Variants in SPTSSA observed in about 807,000 individuals in gnomAD.
SPTSSA encodes serine palmitoyltransferase small subunit A.
SPTSSA carries 8 observed loss-of-function variants against 9.1 expected under a neutral mutation model. The observed-to-expected ratio is 0.88, with a 90% CI of 0.51 to 1.58. The LOEUF (loss-of-function observed/expected upper bound fraction) is 1.58. Among genes scored for constraint, SPTSSA ranks in the 40% most tolerant of loss-of-function variants. SPTSSA has a pLI of 0.00. For missense variants in SPTSSA, 100 were observed against 93.8 expected, an observed-to-expected ratio of 1.07 and a Z score of -0.27; for synonymous variants, 42 against 37.7, an observed-to-expected ratio of 1.11 and a Z score of -0.41.
In SPTSSA at chr14:34,438,874, T is replaced by C. The variant is rs115550448; in HGVS notation, c.113-3570A>G. On this transcript the variant is annotated intron_variant, in intron 1 of 1. Coordinates refer to ENST00000298130, the MANE Select transcript of SPTSSA (RefSeq NM_138288.4). ...GTCCCTCTTTACTAGAATGATCCTT[T>C]TAAAATGCATTAGGTTTCCAATGTC... 4.5e-3 allele frequency among the ~76,000 whole-genome samples: 681 copies of C among 152,306 alleles called. 7 individuals are homozygous for C. Among genetic ancestry groups the C allele is most frequent in the African/African-American group, 0.016 (657 of 41,562 alleles).
At chr14:34,440,210 A>G (rs1443871347) in intron 1 of SPTSSA, among the ~76,000 whole-genome samples, 2 of 152,226 alleles carry the variant, frequency 1.3e-5, no homozygotes, top group African/African-American at 2.4e-5. Flanking sequence ...ATGAACAGAG[A>G]TGTTCATGTG....
At chr14:34,456,974 C>CTATTAT (rs908132086) in intron 1 of SPTSSA, among the ~76,000 whole-genome samples, 2 of 102,024 alleles carry the variant, frequency 2.0e-5, no homozygotes, top group East Asian at 3.2e-4. Context: ...ATTATTATTA[C>CTATTAT]TATTATTATT....
At chr14:34,454,364 C>T (rs1438100361) in intron 1 of SPTSSA, among the ~76,000 whole-genome samples, 1 of 152,150 alleles carries the variant, frequency 6.6e-6, no homozygotes, top group Non-Finnish European at 1.5e-5. Flanking sequence ...TGGTCTGTTC[C>T]CACTGCCATT....
intron 1 of SPTSSA, among the ~76,000 whole-genome samples, chr14:34,440,854 C>T (rs920920163): frequency 6.6e-6 from 1 of 151,466 alleles, no homozygotes; most frequent in Non-Finnish European, 1.5e-5. Flanking sequence ...GCACTCAAGC[C>T]TGGGCAACAA....
At chr14:34,442,368 TAC>T (rs1233405148) in intron 1 of SPTSSA, among the ~76,000 whole-genome samples, 1 of 152,206 alleles carries the variant, frequency 6.6e-6, no homozygotes, top group Non-Finnish European at 1.5e-5. Context: ...CAGTTCTCAT[TAC>T]AGTTTATGGC....
At chr14:34,459,737 C>T (rs1234660151) in intron 1 of SPTSSA, among the ~76,000 whole-genome samples, 5 of 152,032 alleles carry the variant, frequency 3.3e-5, no homozygotes, top group Non-Finnish European at 5.9e-5. Context: ...GCCAAGATGG[C>T]GACATTACAC....
chr14:34,436,615 T>C (rs1883244266), intron 1 of SPTSSA, among the ~76,000 whole-genome samples: 1 of 152,250 alleles, frequency 6.6e-6, no homozygotes, highest in Non-Finnish European at 1.5e-5. Flanking sequence ...AACTAATATT[T>C]GTATAACAGG....
chr14:34,433,131 C>G lies in SPTSSA; in HGVS notation c.*2070G>C, dbSNP rs1011974112. The G allele has an allele frequency of 7.9e-5, 12 of 152,200 alleles. No homozygotes were observed. Among genetic ancestry groups the G allele is most frequent in the African/African-American group, 2.9e-4 (12 of 41,448 alleles). 9.4% of individuals were successfully genotyped at this position (152,200 alleles called of 1,614,324 possible). ...TCTGATCACCTCTCAAGAGACATCT[C>G]CCATTTCTCTTTTGACTCTCCTCAA... On this transcript the variant is annotated 3_prime_UTR_variant, in exon 2 of 2. Transcript: ENST00000298130.
intron 1 of SPTSSA, among the ~76,000 whole-genome samples, chr14:34,451,065 TA>T (rs546786841): frequency 1.5e-3 from 206 of 141,612 alleles, no homozygotes; most frequent in South Asian, 3.3e-3. Flanking sequence ...ATCAGCAACT[TA>T]AAAAAAAAAA....
chr14:34,462,203 G>A lies in SPTSSA; in HGVS notation c.5C>T (p.Ala2Val), dbSNP rs372546679. 5 of 1,528,324 alleles carry A rather than the reference G, an allele frequency of 3.3e-6. No individual in the cohort carries two copies. The highest frequency in any genetic ancestry group is 1.4e-5 in the African/African-American group (1 of 69,212). 94.7% of individuals were successfully genotyped at this position (1,528,324 alleles called of 1,614,324 possible). MAGMALARAWKQ... is the reference protein window; with the variant it reads MVGMALARAWKQ... ...CCAGGCCCGCGCCAGCGCCATCCCC[G>A]CCATGCGCCTCCCGCGATGCAGCTC... Residue 2 changes from alanine (A) to valine (V), a missense_variant, in exon 1 of 2, where the codon GCG becomes GTG. Ala to Val is a moderately conservative substitution (Grantham distance 64). Transcript: ENST00000298130.
chr14:34,454,431 GCA>G (rs1300543559), intron 1 of SPTSSA, among the ~76,000 whole-genome samples: 1 of 152,142 alleles, frequency 6.6e-6, no homozygotes, highest in Non-Finnish European at 1.5e-5. Context: ...TTCTTGTTAA[GCA>G]CAGTTTTCAT....
At chr14:34,437,159 C>A (rs1883253818) in intron 1 of SPTSSA, among the ~76,000 whole-genome samples, 1 of 152,152 alleles carries the variant, frequency 6.6e-6, no homozygotes, top group Non-Finnish European at 1.5e-5. Context: ...GTAGTGCCAG[C>A]TACTCTGGAG....
At chr14:34,446,121 G>A (rs944184254) in intron 1 of SPTSSA, among the ~76,000 whole-genome samples, 6 of 152,112 alleles carry the variant, frequency 3.9e-5, no homozygotes, top group East Asian at 1.9e-4. Flanking sequence ...GCTTTTTATC[G>A]TTTGAATCTT....
chr14:34,435,305 C>A lies in SPTSSA; in HGVS notation c.113-1G>T. On this transcript the variant is annotated splice_acceptor_variant, in intron 1 of 1. Transcript: ENST00000298130. LOFTEE classifies it high-confidence loss of function. ...CCCACAATGGAAACCAGCATGGAAT[C>A]TGAGTTGTAGTTAAGGAAACTTATT... 1 of 1,606,716 alleles carries A rather than the reference C, an allele frequency of 6.2e-7. No individual in the cohort carries two copies. The highest frequency in any genetic ancestry group is 8.5e-7 in the Non-Finnish European group (1 of 1,174,850).
chr14:34,441,079 C>T (rs1883309516), intron 1 of SPTSSA, among the ~76,000 whole-genome samples: 1 of 152,102 alleles, frequency 6.6e-6, no homozygotes, highest in Non-Finnish European at 1.5e-5. Flanking sequence ...ACTGTATACA[C>T]ACTCCAGCAT....
chr14:34,442,953 GGGGT>G (rs796852153), intron 1 of SPTSSA, among the ~76,000 whole-genome samples: 2,087 of 108,532 alleles, frequency 0.019, 38 homozygotes, highest in African/African-American at 0.066. Context: ...CATGTCTAGG[GGGGT>G]GTGTGTGTGT....
chr14:34,448,347 TGAAGTAGTTACAGAA>T (rs1371887754), intron 1 of SPTSSA, among the ~76,000 whole-genome samples: 2 of 152,078 alleles, frequency 1.3e-5, no homozygotes, highest in African/African-American at 4.8e-5. Flanking sequence ...CAAGGCAGCA[TGAAGTAGTTACAGAA>T]AAAGAACATT....
At chr14:34,437,344 T>C (rs1883256247) in intron 1 of SPTSSA, among the ~76,000 whole-genome samples, 1 of 152,234 alleles carries the variant, frequency 6.6e-6, no homozygotes. Context: ...CATTTCCCTG[T>C]TTTTCACTGG....
At chr14:34,440,905 G>GA (rs1883306740) in intron 1 of SPTSSA, among the ~76,000 whole-genome samples, 1 of 151,392 alleles carries the variant, frequency 6.6e-6, no homozygotes, top group East Asian at 1.9e-4. Flanking sequence ...AGTAAAAAAA[G>GA]AATCTGAAAC....
Sources: gnomAD v4.1 joint callset for allele counts (sites outside exome capture counted in the v4.1 genomes callset) on GRCh38, gnomAD v4.1.1 for gene constraint, MANE v1.5 for transcripts, NCBI Gene and HGNC (gene_info 2026-07-23, HGNC 2026-07-21) for gene names.